NELL1: variants seen among roughly 807,000 people sequenced by gnomAD.
The protein encoded by NELL1 is protein kinase C-binding protein NELL1.
In NELL1, 76 loss-of-function variants were observed where a neutral mutation model predicts 107.4. The observed-to-expected ratio is 0.71, with a 90% CI of 0.59 to 0.86. The LOEUF (loss-of-function observed/expected upper bound fraction) is 0.86. NELL1 is among the 40% of genes least tolerant of loss of function. The probability of loss-of-function intolerance (pLI) is 0.00; values close to 1 mark genes in which losing one functional copy is unlikely to be tolerated. For synonymous variants in NELL1, 353 were observed against 341.2 expected, an observed-to-expected ratio of 1.03 and a Z score of -0.38; for missense variants, 1,024 against 1,005.5, an observed-to-expected ratio of 1.02 and a Z score of -0.25.
At chr11:20,962,568 C>T (rs7109494) in intron 12 of NELL1, among the ~76,000 whole-genome samples, 1,537 of 152,298 alleles carry the variant, frequency 0.01, 22 homozygotes, top group African/African-American at 0.035. Flanking sequence ...GGTGCTAATG[C>T]TGTTTGGGAT....
intron 17 of NELL1, among the ~76,000 whole-genome samples, chr11:21,564,714 A>G (rs1321385707): frequency 2.6e-5 from 4 of 151,924 alleles, no homozygotes; most frequent in Non-Finnish European, 5.9e-5. Context: ...AGAGATGAGT[A>G]GGGAAAGGGA....
chr11:21,119,033 A>G (rs1343184245), intron 13 of NELL1, among the ~76,000 whole-genome samples: 1 of 152,112 alleles, frequency 6.6e-6, no homozygotes, highest in African/African-American at 2.4e-5. Context: ...TTATTAAAAA[A>G]TAATGTCTGT....
chr11:21,241,944 T>C (rs536872640), intron 14 of NELL1, among the ~76,000 whole-genome samples: 1 of 147,236 alleles, frequency 6.8e-6, no homozygotes, highest in Admixed American at 6.9e-5. Context: ...CATTTACAGC[T>C]AGACGTTTAC....
chr11:21,337,504 A>T (rs1850432110), intron 14 of NELL1, among the ~76,000 whole-genome samples: 2 of 152,246 alleles, frequency 1.3e-5, no homozygotes, highest in African/African-American at 4.8e-5. Flanking sequence ...AACAGAAAAG[A>T]AGGCTAGACA....
At chr11:21,204,018 C>CTTGGT (rs1857332925) in intron 13 of NELL1, among the ~76,000 whole-genome samples, 3 of 152,174 alleles carry the variant, frequency 2.0e-5, no homozygotes, top group Non-Finnish European at 2.9e-5. Flanking sequence ...GGTAACCCGA[C>CTTGGT]CTTACTCTCT....
chr11:21,564,090 T>G (rs1856914203), intron 17 of NELL1, among the ~76,000 whole-genome samples: 1 of 151,924 alleles, frequency 6.6e-6, no homozygotes, highest in Non-Finnish European at 1.5e-5. Context: ...GGATTTAGAC[T>G]TCATCCTGTG....
At chr11:20,711,959 C>A in intron 2 of NELL1, among the ~76,000 whole-genome samples, 1 of 152,026 alleles carries the variant, frequency 6.6e-6, no homozygotes, top group East Asian at 1.9e-4. Context: ...ATGTCTAGAT[C>A]TTTAGTTCTT....
intron 4 of NELL1, among the ~76,000 whole-genome samples, chr11:20,885,167 C>A (rs1564949883): frequency 6.6e-6 from 1 of 152,198 alleles, no homozygotes. Context: ...CCACTTTCCC[C>A]ACAGAGTTTG....
chr11:20,910,948 T>C (rs1850116960), intron 5 of NELL1, among the ~76,000 whole-genome samples: 1 of 152,234 alleles, frequency 6.6e-6, no homozygotes, highest in Non-Finnish European at 1.5e-5. Flanking sequence ...CCCTTTTTAG[T>C]ATTTAAGCAC....
intron 12 of NELL1, among the ~76,000 whole-genome samples, chr11:21,062,477 G>A (rs893200964): frequency 3.3e-5 from 5 of 152,282 alleles, no homozygotes; most frequent in African/African-American, 1.2e-4. Context: ...TAACTAGAAA[G>A]CTTTTGGCTA....
At chr11:21,249,175 T>C (rs967673719) in intron 14 of NELL1, among the ~76,000 whole-genome samples, 3 of 152,178 alleles carry the variant, frequency 2.0e-5, no homozygotes, top group African/African-American at 2.4e-5. Context: ...GAATCCTTCA[T>C]ATCCTAATGG....
intron 12 of NELL1, among the ~76,000 whole-genome samples, chr11:21,088,474 A>G (rs888466576): frequency 1.3e-5 from 2 of 152,302 alleles, no homozygotes; most frequent in Non-Finnish European, 2.9e-5. Context: ...TCCAAAACCC[A>G]TATATGTCCT....
At chr11:21,098,959 A>AATT (rs368758404) in intron 12 of NELL1, among the ~76,000 whole-genome samples, 1,753 of 151,686 alleles carry the variant, frequency 0.012, 32 homozygotes, top group African/African-American at 0.04. Flanking sequence ...ACCTTCAGAA[A>AATT]ATTATTATTA....
intron 2 of NELL1, among the ~76,000 whole-genome samples, chr11:20,701,541 T>C (rs536425296): frequency 6.6e-5 from 10 of 152,170 alleles, no homozygotes; most frequent in Admixed American, 1.3e-4. Context: ...CTTTGGCTTT[T>C]GTTGCCATTG....
chr11:21,508,536 GA>G (rs1258406708), intron 15 of NELL1, among the ~76,000 whole-genome samples: 1 of 152,032 alleles, frequency 6.6e-6, no homozygotes, highest in Non-Finnish European at 1.5e-5. Flanking sequence ...AAACAGCTAC[GA>G]AACTAGTCAA....
intron 13 of NELL1, among the ~76,000 whole-genome samples, chr11:21,142,016 G>A (rs1027859981): frequency 1.3e-5 from 2 of 151,986 alleles, no homozygotes; most frequent in South Asian, 2.1e-4. Context: ...CATCTGCTTC[G>A]GCCTCCCAAA....
chr11:20,942,007 C>T (rs1165118740), intron 10 of NELL1, among the ~76,000 whole-genome samples: 2 of 152,150 alleles, frequency 1.3e-5, no homozygotes, highest in Non-Finnish European at 1.5e-5. Context: ...AGACCATCCT[C>T]GCAAGTGCTC....
chr11:21,123,383 G>A lies in NELL1; in HGVS notation c.1426+9669G>A, dbSNP rs537577190. Among the ~76,000 whole-genome samples the A allele has an allele frequency of 4.6e-5, 7 of 151,642 alleles. No individual in the cohort carries two copies. The South Asian group carries it at 1.5e-3, about 32-fold the overall frequency. On this transcript the variant is annotated intron_variant, in intron 13 of 19. Coordinates refer to ENST00000357134, the MANE Select transcript of NELL1 (RefSeq NM_006157.5). ...TGTGTGTGTGCGTTTCCATGTATGT[G>A]TAGATCCACAATTGTTAGAGTATAT...
intron 2 of NELL1, among the ~76,000 whole-genome samples, chr11:20,772,494 C>T (rs549442429): frequency 1.3e-5 from 2 of 152,228 alleles, no homozygotes; most frequent in East Asian, 3.9e-4. Context: ...GAAATACTAT[C>T]ATGTATATGA....
Sources: allele counts gnomAD v4.1 joint callset (sites outside exome capture counted in the v4.1 genomes callset), GRCh38; gene constraint gnomAD v4.1.1; transcripts MANE v1.5; gene names NCBI Gene and HGNC (gene_info 2026-07-23, HGNC 2026-07-21).